ROBO2: variants seen among roughly 807,000 people sequenced by gnomAD.
ROBO2 encodes the protein roundabout homolog 2.
Under a neutral mutation model 160.8 loss-of-function variants are expected in ROBO2, and 53 were observed. That is an observed-to-expected ratio of 0.33 (90% CI 0.26 to 0.41). ROBO2 has a LOEUF of 0.41. Among genes scored for constraint, ROBO2 ranks in the 10% least tolerant of loss-of-function variants. The probability of loss-of-function intolerance (pLI) is 1.00; values close to 1 mark genes in which losing one functional copy is unlikely to be tolerated. For missense variants in ROBO2, 1,577 were observed against 1,722.4 expected (o/e 0.92, Z 1.49); for synonymous variants, 664 against 611.7 (o/e 1.09, Z -1.26).
chr3:76,216,771 G>C (rs1273252240), intron 2 of ROBO2, among the ~76,000 whole-genome samples: 1 of 152,020 alleles, frequency 6.6e-6, no homozygotes, highest in Non-Finnish European at 1.5e-5. Flanking sequence ...AGTTAACAAG[G>C]ATATCCAGGA....
At chr3:77,065,572 AT>A (rs1175948062) in intron 1 of ROBO2, among the ~76,000 whole-genome samples, 3 of 152,094 alleles carry the variant, frequency 2.0e-5, no homozygotes, top group Non-Finnish European at 2.9e-5. Flanking sequence ...AGTACCTTAA[AT>A]GAGAAGTTTC....
intron 2 of ROBO2, among the ~76,000 whole-genome samples, chr3:76,911,156 G>T (rs986749853): frequency 6.6e-6 from 1 of 152,088 alleles, no homozygotes; most frequent in African/African-American, 2.4e-5. Context: ...TTCATTTTCA[G>T]GATGAAAAAC....
At chr3:76,663,877 C>G (rs757478761) in intron 2 of ROBO2, among the ~76,000 whole-genome samples, 2 of 151,738 alleles carry the variant, frequency 1.3e-5, no homozygotes, top group South Asian at 4.2e-4. Flanking sequence ...GCACTTCTGC[C>G]TGGCAACAAG....
chr3:77,020,592 A>C (rs1450687172), intron 2 of ROBO2, among the ~76,000 whole-genome samples: 1 of 152,204 alleles, frequency 6.6e-6, no homozygotes, highest in Non-Finnish European at 1.5e-5. Flanking sequence ...TCCAACAATA[A>C]GGGGACAGTA....
chr3:77,510,858 G>A (rs1242313203), intron 5 of ROBO2, among the ~76,000 whole-genome samples: 1 of 151,980 alleles, frequency 6.6e-6, no homozygotes, highest in African/African-American at 2.4e-5. Flanking sequence ...GCTTGGAATG[G>A]TTGGAGGCGT....
chr3:76,249,049 G>A (rs1705816553), intron 2 of ROBO2, among the ~76,000 whole-genome samples: 1 of 152,090 alleles, frequency 6.6e-6, no homozygotes, highest in South Asian at 2.1e-4. Flanking sequence ...GAAAAACTGG[G>A]AATTCTTTGG....
At chr3:76,891,140 A>G (rs939255779) in intron 2 of ROBO2, among the ~76,000 whole-genome samples, 12 of 152,136 alleles carry the variant, frequency 7.9e-5, no homozygotes, top group African/African-American at 2.9e-4. Flanking sequence ...ATATCGAACT[A>G]TCTTTACATT....
At chr3:75,914,442 C>G (rs1248388633) in intron 1 of ROBO2, among the ~76,000 whole-genome samples, 3 of 152,178 alleles carry the variant, frequency 2.0e-5, no homozygotes, top group African/African-American at 7.2e-5. Flanking sequence ...TTATTGCTCT[C>G]TGCCTTCCAG....
intron 3 of ROBO2, among the ~76,000 whole-genome samples, chr3:77,479,497 T>C (rs796169804): frequency 3.9e-5 from 6 of 152,274 alleles, no homozygotes; most frequent in African/African-American, 1.2e-4. Context: ...AGGAAGTTTC[T>C]AATGACTTAC....
intron 2 of ROBO2, among the ~76,000 whole-genome samples, chr3:77,428,203 C>A (rs189725054): frequency 4.5e-4 from 68 of 152,024 alleles, no homozygotes; most frequent in African/African-American, 1.6e-3. Context: ...ATATCTTTTC[C>A]CCTTAAAACT....
At chr3:76,101,202 G>C (rs1353464207) in intron 2 of ROBO2, among the ~76,000 whole-genome samples, 1 of 152,070 alleles carries the variant, frequency 6.6e-6, no homozygotes, top group Non-Finnish European at 1.5e-5. Context: ...CTTCTCAAAG[G>C]AATTATTATT....
intron 2 of ROBO2, among the ~76,000 whole-genome samples, chr3:76,011,771 A>G (rs1170626525): frequency 6.6e-6 from 1 of 152,210 alleles, no homozygotes; most frequent in Non-Finnish European, 1.5e-5. Flanking sequence ...CTCAATGGAA[A>G]TTTTAAGGAT....
intron 2 of ROBO2, among the ~76,000 whole-genome samples, chr3:75,971,648 T>G: frequency 2.0e-5 from 3 of 151,652 alleles, no homozygotes; most frequent in Middle Eastern, 3.4e-3. Context: ...TTTTTTGAAG[T>G]ACAAATTCTA....
Position 76,434,509 on chromosome 3 carries a change from G to A in ROBO2, c.109+496907G>A, listed in dbSNP as rs1222046096. On this transcript the variant is annotated intron_variant, in intron 2 of 26. Coordinates refer to the ROBO2 transcript ENST00000487694. ...TTTATACAAACCGAGTCCTCAAAGA[G>A]TACAAAGATGTGGATAAGAAGCATG... is the stretch of plus-strand genomic sequence containing the variant. The A allele has an allele frequency of 1.9e-6, 3 of 1,559,208 alleles. No homozygotes were observed. The South Asian group carries it at 3.3e-5, about 17-fold the overall frequency.
intron 2 of ROBO2, among the ~76,000 whole-genome samples, chr3:76,075,655 A>G (rs959161449): frequency 8.5e-5 from 13 of 152,326 alleles, no homozygotes; most frequent in Middle Eastern, 6.8e-3. Context: ...TAGTATCCCA[A>G]TAGCGTAGAC....
intron 2 of ROBO2, among the ~76,000 whole-genome samples, chr3:76,859,591 A>G (rs768436825): frequency 1.3e-5 from 2 of 152,060 alleles, no homozygotes; most frequent in Non-Finnish European, 2.9e-5. Context: ...CTCCCATTAC[A>G]TTACATCTCT....
At chr3:76,676,537 TTGTG>T (rs1257532698) in intron 2 of ROBO2, among the ~76,000 whole-genome samples, 1 of 151,948 alleles carries the variant, frequency 6.6e-6, no homozygotes, top group African/African-American at 2.4e-5. Context: ...TTGTGGGTAT[TTGTG>T]TGTGTAAGTG....
Position 77,063,664 on chromosome 3 carries a change from T to C in ROBO2, c.61+22818T>C, listed in dbSNP as rs903323037. 9.9e-5 allele frequency among the ~76,000 whole-genome samples: 15 copies of C among 152,212 alleles called. No individual in the cohort carries two copies. In the East Asian group the frequency reaches 2.9e-3, roughly 29 times the overall value. On this transcript the variant is annotated intron_variant, in intron 1 of 25. Coordinates refer to ENST00000461745, the Ensembl canonical transcript of ROBO2. ...GAAGAGCTCTTTGCTCTTAACTTGA[T>C]ATTGTTTGTAGTCTGTAGCAAAGCA...
At chr3:77,538,878 G>T in intron 6 of ROBO2, 1 of 496,100 alleles carries the variant, frequency 2.0e-6, no homozygotes, top group East Asian at 5.6e-5. Context: ...GTTGGTGGAG[G>T]CAAGCCTATT....
Sources: gnomAD v4.1 joint callset for allele counts (sites outside exome capture counted in the v4.1 genomes callset) on GRCh38, gnomAD v4.1.1 for gene constraint, MANE v1.5 for transcripts, NCBI Gene and HGNC (gene_info 2026-07-23, HGNC 2026-07-21) for gene names.